ZNF804B: variants seen among roughly 807,000 people sequenced by gnomAD.
The protein encoded by ZNF804B is zinc finger protein 804B.
In ZNF804B, 80 loss-of-function variants were observed where a neutral mutation model predicts 101.4. The ratio of observed to expected loss-of-function variants is 0.79; its 90% confidence interval spans 0.66 to 0.95. ZNF804B has a LOEUF of 0.95. Among genes scored for constraint, ZNF804B ranks in the 40% least tolerant of loss-of-function variants. The pLI, the probability that ZNF804B is intolerant of heterozygous loss-of-function variation, is 0.00. For missense variants in ZNF804B, 1,673 were observed against 1,561.9 expected (o/e 1.07, Z -1.20); for synonymous variants, 622 against 558.8 (o/e 1.11, Z -1.59).
intron 1 of ZNF804B, among the ~76,000 whole-genome samples, chr7:88,918,768 G>T (rs923646557): frequency 6.6e-5 from 10 of 152,172 alleles, no homozygotes; most frequent in African/African-American, 2.4e-4. Context: ...AGTGGGATTG[G>T]GGGGTGAGGG....
chr7:89,269,699 A>T (rs4270883), intron 2 of ZNF804B, among the ~76,000 whole-genome samples: 1 of 152,004 alleles, frequency 6.6e-6, no homozygotes, highest in Admixed American at 6.6e-5. Context: ...AAGTGTTCCT[A>T]TTTCTCCACA....
rs562857881 is a variant in ZNF804B at position 89,105,040 on chromosome 7, C to G, written c.109-113115C>G. On this transcript the variant is annotated intron_variant, in intron 1 of 3. Transcript: ENST00000333190. ...GATGATACCAATCTAAAGAATGGAA[C>G]AATTCGCTTAAACTATACCTTCTGA... 2.6e-5 allele frequency among the ~76,000 whole-genome samples: 4 copies of G among 152,220 alleles called. No individual in the cohort carries two copies. The South Asian group carries it at 8.3e-4, about 32-fold the overall frequency.
chr7:88,865,041 T>A (rs533810119), intron 1 of ZNF804B, among the ~76,000 whole-genome samples: 264 of 151,498 alleles, frequency 1.7e-3, no homozygotes, highest in Non-Finnish European at 3.0e-3. Flanking sequence ...CCACCCAGAC[T>A]AACATAGAGA....
intron 1 of ZNF804B, among the ~76,000 whole-genome samples, chr7:88,817,748 T>A (rs1186477701): frequency 6.6e-6 from 1 of 152,158 alleles, no homozygotes; most frequent in African/African-American, 2.4e-5. Flanking sequence ...TGACTATGAT[T>A]TCCAGTAACA....
chr7:88,877,040 T>TTATATATATA (rs1791959325), intron 1 of ZNF804B, among the ~76,000 whole-genome samples: 1 of 49,480 alleles, frequency 2.0e-5, no homozygotes, highest in African/African-American at 9.9e-5. Context: ...TATATATATA[T>TTATATATATA]ATATATATAT....
chr7:89,130,876 A>G lies in ZNF804B; in HGVS notation c.109-87279A>G, dbSNP rs184884901. On this transcript the variant is annotated intron_variant, in intron 1 of 3. Coordinates refer to ENST00000333190, the MANE Select transcript of ZNF804B (RefSeq NM_181646.5). ...GGGGTGTCTTATTACTAAAGAAACA[A>G]TCATCTAAGCAGTCTTATCCCAATC... is the stretch of plus-strand genomic sequence containing the variant. Among the ~76,000 whole-genome samples, 60 of 152,120 alleles carry G rather than the reference A, an allele frequency of 3.9e-4. No homozygotes were observed. The East Asian group carries it at 0.011, about 28-fold the overall frequency.
At chr7:88,938,036 A>G (rs1037745816) in intron 1 of ZNF804B, among the ~76,000 whole-genome samples, 5 of 152,076 alleles carry the variant, frequency 3.3e-5, no homozygotes, top group Admixed American at 6.6e-5. Flanking sequence ...TTTAGAGAGC[A>G]TGAGACATCA....
At chr7:88,878,478 A>G (rs1406850980) in intron 1 of ZNF804B, among the ~76,000 whole-genome samples, 2 of 152,176 alleles carry the variant, frequency 1.3e-5, no homozygotes, top group Non-Finnish European at 1.5e-5. Context: ...AACAGATATA[A>G]TAAGGGTGTC....
intron 2 of ZNF804B, among the ~76,000 whole-genome samples, chr7:89,314,954 A>C (rs531207301): frequency 6.5e-4 from 99 of 152,324 alleles, no homozygotes; most frequent in African/African-American, 2.1e-3. Context: ...GGTGTGTATT[A>C]GTCCATCTTG....
chr7:88,783,385 A>G (rs1360138550), intron 1 of ZNF804B, among the ~76,000 whole-genome samples: 1 of 152,120 alleles, frequency 6.6e-6, no homozygotes, highest in Non-Finnish European at 1.5e-5. Flanking sequence ...ACTCCTATTG[A>G]TTAGTGCTGT....
intron 1 of ZNF804B, among the ~76,000 whole-genome samples, chr7:89,033,061 C>G (rs555373561): frequency 6.6e-6 from 1 of 151,582 alleles, no homozygotes; most frequent in African/African-American, 2.4e-5. Context: ...AACCGTATCC[C>G]TCCTGTCTAA....
intron 1 of ZNF804B, among the ~76,000 whole-genome samples, chr7:88,915,933 TAA>T (rs1312671911): frequency 6.6e-6 from 1 of 152,010 alleles, no homozygotes; most frequent in African/African-American, 2.4e-5. Flanking sequence ...AAGGTTTAGT[TAA>T]GTCATATTAA....
intron 1 of ZNF804B, among the ~76,000 whole-genome samples, chr7:88,899,905 T>A (rs1792362604): frequency 6.6e-6 from 1 of 152,166 alleles, no homozygotes; most frequent in Admixed American, 6.5e-5. Flanking sequence ...TTTTATGAGA[T>A]AATTAACATA....
At chr7:89,001,753 A>G (rs1445803640) in intron 1 of ZNF804B, among the ~76,000 whole-genome samples, 1 of 151,926 alleles carries the variant, frequency 6.6e-6, no homozygotes, top group Non-Finnish European at 1.5e-5. Flanking sequence ...CTGTTATGTC[A>G]GATAATCTTA....
At chr7:88,884,593 A>T (rs1029770117) in intron 1 of ZNF804B, among the ~76,000 whole-genome samples, 2 of 151,842 alleles carry the variant, frequency 1.3e-5, no homozygotes, top group African/African-American at 2.4e-5. Context: ...TTTAGACAAG[A>T]AGCTTGGCAT....
chr7:88,860,943 A>T (rs1776798646), intron 1 of ZNF804B, among the ~76,000 whole-genome samples: 1 of 152,144 alleles, frequency 6.6e-6, no homozygotes, highest in Non-Finnish European at 1.5e-5. Context: ...AAAGTAAGTT[A>T]TTATTCCTGG....
chr7:89,103,904 G>A (rs926689620), intron 1 of ZNF804B, among the ~76,000 whole-genome samples: 1 of 151,672 alleles, frequency 6.6e-6, no homozygotes, highest in African/African-American at 2.4e-5. Flanking sequence ...GGTGTTTTAT[G>A]TACAGCTAGT....
rs905173670 is a variant in ZNF804B at position 89,260,924 on chromosome 7, T to G, written c.249+42629T>G. Among the ~76,000 whole-genome samples the G allele has an allele frequency of 2.0e-5, 3 of 152,342 alleles. No homozygotes were observed. The South Asian group carries it at 6.2e-4, about 32-fold the overall frequency. On this transcript the variant is annotated intron_variant, in intron 2 of 3. Coordinates refer to ENST00000333190, the MANE Select transcript of ZNF804B (RefSeq NM_181646.5). ...GTGGCACTTCATATGGGTTCGATGT[T>G]GTTCTTCAAGGTTTATGGCATTTGC...
At chr7:89,083,984 T>C (rs192037643) in intron 1 of ZNF804B, among the ~76,000 whole-genome samples, 1 of 151,898 alleles carries the variant, frequency 6.6e-6, no homozygotes, top group African/African-American at 2.4e-5. Flanking sequence ...ATCAGAACAG[T>C]CAAAGAAATG....
Sources: allele counts gnomAD v4.1 joint callset (sites outside exome capture counted in the v4.1 genomes callset), GRCh38; gene constraint gnomAD v4.1.1; transcripts MANE v1.5; gene names NCBI Gene and HGNC (gene_info 2026-07-23, HGNC 2026-07-21).